AGAP1: variants seen among roughly 807,000 people sequenced by gnomAD.
The protein encoded by AGAP1 is ArfGAP with GTPase domain, ankyrin repeat and PH domain 1, also known as arf-GAP with GTPase, ANK repeat and PH domain-containing protein 1.
AGAP1 carries 29 observed loss-of-function variants against 105.3 expected under a neutral mutation model. The observed-to-expected ratio is 0.28, with a 90% CI of 0.21 to 0.38. AGAP1 has a LOEUF of 0.38. Ranked by LOEUF, AGAP1 falls within the 10% of genes least tolerant of loss-of-function variation. AGAP1 has a pLI of 1.00. For missense variants in AGAP1, 998 were observed against 1,165.1 expected (o/e 0.86, Z 2.09); for synonymous variants, 509 against 485.9 (o/e 1.05, Z -0.63).
chr2:235,754,144 A>G lies in AGAP1; in HGVS notation c.673+3656A>G, dbSNP rs1196856200. Among the ~76,000 whole-genome samples the G allele has an allele frequency of 6.6e-6, 1 of 152,158 alleles. No individual in the cohort carries two copies. Among genetic ancestry groups the G allele is most frequent in the African/African-American group, 2.4e-5 (1 of 41,432 alleles). ...CTGAGAGCCTCGACTTAACCACAGCACCGGGACATTTTGTCATTAAAATGG... is the reference window on the plus strand; with the variant it reads ...CTGAGAGCCTCGACTTAACCACAGCGCCGGGACATTTTGTCATTAAAATGG... On this transcript the variant is annotated intron_variant, in intron 6 of 17. Transcript: ENST00000304032. The surrounding 1 kb of genome is among the most constrained non-coding windows in gnomAD (Gnocchi z 4.6).
intron 1 of AGAP1, among the ~76,000 whole-genome samples, chr2:235,616,380 C>T (rs1024781818): frequency 6.6e-6 from 1 of 151,930 alleles, no homozygotes; most frequent in Non-Finnish European, 1.5e-5. Context: ...AAAAGGTGAC[C>T]TCTTTCTTTT....
At position 235,724,882 on chromosome 2, in the gene AGAP1, T is replaced by C. The variant is rs1307784090; in HGVS notation, c.310+7238T>C. 6.6e-6 allele frequency among the ~76,000 whole-genome samples: 1 copy of C among 152,182 alleles called. No homozygotes were observed. Among genetic ancestry groups the C allele is most frequent in the Non-Finnish European group, 1.5e-5 (1 of 68,036 alleles). ...CCAGACCCACCTCATTTCTTACATCTCTCCAAGAGAAGCCTTTCGCTTGTC... is the reference window on the plus strand; with the variant it reads ...CCAGACCCACCTCATTTCTTACATCCCTCCAAGAGAAGCCTTTCGCTTGTC... On this transcript the variant is annotated intron_variant, in intron 3 of 17. Transcript: ENST00000304032. The surrounding 1 kb of genome is among the most constrained non-coding windows in gnomAD (Gnocchi z 4.9).
At chr2:235,661,729 C>T (rs939929606) in intron 1 of AGAP1, among the ~76,000 whole-genome samples, 5 of 152,148 alleles carry the variant, frequency 3.3e-5, no homozygotes, top group African/African-American at 1.2e-4. Flanking sequence ...GAACACTGGT[C>T]CAGTGCACTG....
In AGAP1 at chr2:235,889,461, G is replaced by A. The variant is rs944603251; in HGVS notation, c.1155+6012G>A. ...CATGACAAGGGACTTCAGCTGGGTG[G>A]TGGCCCTGGGATGTCACTTTCCTTC... On this transcript the variant is annotated intron_variant, in intron 10 of 17. Coordinates refer to ENST00000304032, the MANE Select transcript of AGAP1 (RefSeq NM_001037131.3). This position sits in a 1 kb window ranked among gnomAD's most constrained non-coding sequence, Gnocchi z 4.6. Among the ~76,000 whole-genome samples, 2 of 152,088 alleles carry A rather than the reference G, an allele frequency of 1.3e-5. No individual in the cohort carries two copies. Among genetic ancestry groups the A allele is most frequent in the African/African-American group, 2.4e-5 (1 of 41,402 alleles).
chr2:236,013,555 G>C (rs537224335), intron 13 of AGAP1, among the ~76,000 whole-genome samples: 22 of 150,772 alleles, frequency 1.5e-4, no homozygotes, highest in Admixed American at 1.2e-3. Flanking sequence ...TGCTTTGCGG[G>C]CTTAAGACCT....
Position 235,679,294 on chromosome 2 carries a change from G to A in AGAP1, c.164-29885G>A, listed in dbSNP as rs78081964. On this transcript the variant is annotated intron_variant, in intron 1 of 17. Transcript: ENST00000304032. ...GCTTTACTTTATTTAGCTGTAATACGGGTTTTGCAAAAGACCTAAAAATAG... is the reference window on the plus strand; with the variant it reads ...GCTTTACTTTATTTAGCTGTAATACAGGTTTTGCAAAAGACCTAAAAATAG... 3.0e-3 allele frequency among the ~76,000 whole-genome samples: 456 copies of A among 152,266 alleles called. 5 individuals carry two copies. The East Asian group carries it at 0.036, about 12-fold the overall frequency.
chr2:236,047,378 C>T (rs2057753103), intron 15 of AGAP1, among the ~76,000 whole-genome samples: 1 of 151,974 alleles, frequency 6.6e-6, no homozygotes, highest in Admixed American at 6.6e-5. Context: ...AGCTGTGTGC[C>T]ATGCCTCCAC....
chr2:236,014,905 C>G lies in AGAP1; in HGVS notation c.1646-21656C>G, dbSNP rs1268325515. 2 of 388,828 alleles carry G rather than the reference C, an allele frequency of 5.1e-6. No homozygotes were observed. Among genetic ancestry groups the G allele is most frequent in the Admixed American group, 3.3e-5 (1 of 30,238 alleles). The allele number at this position is 388,828 out of a possible 1,614,324, so 24.1% of individuals were successfully genotyped here. A position where few individuals can be genotyped will look rare whatever the true frequency, so the allele number is the denominator to read the frequency against. On this transcript the variant is annotated intron_variant, in intron 13 of 17. Coordinates refer to ENST00000304032, the MANE Select transcript of AGAP1 (RefSeq NM_001037131.3). The surrounding 1 kb of genome is among the most constrained non-coding windows in gnomAD (Gnocchi z 6.3). ...GTAACGCCTCCGCACCTCCACCCGC[C>G]CACACCTCCACCTGCCTCTTCCCCT...
Position 236,045,037 on chromosome 2 carries a change from C to G in AGAP1, c.1892-4022C>G, listed in dbSNP as rs2057674848. The stretch of plus-strand genomic sequence containing the variant: ...TCCAGCAATCCTCCCACCTCAGACT[C>G]CTGAGCAGCTGTGACTACATGTGCG... On this transcript the variant is annotated intron_variant, in intron 15 of 17. Transcript: ENST00000304032. This position sits in a 1 kb window ranked among gnomAD's most constrained non-coding sequence, Gnocchi z 6.9. Among the ~76,000 whole-genome samples the G allele has an allele frequency of 6.6e-6, 1 of 152,166 alleles. No homozygotes were observed. Among genetic ancestry groups the G allele is most frequent in the African/African-American group, 2.4e-5 (1 of 41,452 alleles).
chr2:235,597,012 G>GT (rs1490177322), intron 1 of AGAP1, among the ~76,000 whole-genome samples: 1 of 152,218 alleles, frequency 6.6e-6, no homozygotes, highest in Non-Finnish European at 1.5e-5. Flanking sequence ...TGCCAGAACT[G>GT]TGAGAGGTAA....
At chr2:235,618,577 T>A (rs1193867413) in intron 1 of AGAP1, among the ~76,000 whole-genome samples, 1 of 152,238 alleles carries the variant, frequency 6.6e-6, no homozygotes, top group Non-Finnish European at 1.5e-5. Context: ...GAAAAGGCTT[T>A]AGTTATTTTA....
intron 2 of AGAP1, among the ~76,000 whole-genome samples, chr2:235,711,126 C>G (rs184824252): frequency 6.6e-6 from 1 of 152,246 alleles, no homozygotes; most frequent in African/African-American, 2.4e-5. Context: ...CCTCCTGCGT[C>G]TGCACTGCCC....
At chr2:235,715,083 C>G (rs1951033640) in intron 2 of AGAP1, among the ~76,000 whole-genome samples, 1 of 152,230 alleles carries the variant, frequency 6.6e-6, no homozygotes, top group Non-Finnish European at 1.5e-5. Context: ...AGGCGTGAGC[C>G]ACCGTGCCCA....
rs10180519 is a variant in AGAP1, at chr2:235,882,776, G to T, written c.1051-569G>T. Among the ~76,000 whole-genome samples the T allele has an allele frequency of 2.4e-3, 368 of 152,022 alleles. 4 individuals carry two copies. The highest frequency in any genetic ancestry group is 8.4e-3 in the African/African-American group (350 of 41,456). On this transcript the variant is annotated intron_variant, in intron 9 of 17. Transcript: ENST00000304032. The surrounding 1 kb of genome is among the most constrained non-coding windows in gnomAD (Gnocchi z 4.6). ...AGGCGTGAGCCACCGTGCCCGGCCT[G>T]GTTAATGCAGTTTTTTTAGTTTGTT...
chr2:235,826,092 G>T (rs761778522), intron 9 of AGAP1, among the ~76,000 whole-genome samples: 13 of 152,224 alleles, frequency 8.5e-5, no homozygotes, highest in Non-Finnish European at 1.9e-4. Context: ...TGCTAACGTG[G>T]CGCCATGCCC....
In AGAP1 at chr2:235,737,993, C is replaced by T. The variant is rs570941323; in HGVS notation, c.311-2970C>T. Reference sequence around the variant, plus strand: ...AGAGGGCAGGGCTGGAGCTGGGGCCCTGTAGGGCACTCAGCGTCCGGAGGG... The same window carrying T: ...AGAGGGCAGGGCTGGAGCTGGGGCCTTGTAGGGCACTCAGCGTCCGGAGGG... On this transcript the variant is annotated intron_variant, in intron 3 of 17. Transcript: ENST00000304032. This position sits in a 1 kb window ranked among gnomAD's most constrained non-coding sequence, Gnocchi z 4.5. Among the ~76,000 whole-genome samples the T allele has an allele frequency of 6.6e-6, 1 of 152,076 alleles. No individual in the cohort carries two copies. Among genetic ancestry groups the T allele is most frequent in the African/African-American group, 2.4e-5 (1 of 41,494 alleles).
rs575803524 is a variant in AGAP1 at position 235,879,007 on chromosome 2, G to A, written c.1051-4338G>A. On this transcript the variant is annotated intron_variant, in intron 9 of 17. Transcript: ENST00000304032. This position sits in a 1 kb window ranked among gnomAD's most constrained non-coding sequence, Gnocchi z 5.0. The stretch of plus-strand genomic sequence containing the variant: ...TGGCTGGGACACCCAGAGGTTCTGC[G>A]TGGGGAGCAGGTCACCGCCCATCAG... Among the ~76,000 whole-genome samples the A allele has an allele frequency of 2.6e-5, 4 of 152,194 alleles. No homozygotes were observed. The highest frequency in any genetic ancestry group is 6.5e-5 in the Admixed American group (1 of 15,276).
At chr2:235,802,758 TTG>T (rs1272247678) in intron 8 of AGAP1, among the ~76,000 whole-genome samples, 1 of 150,736 alleles carries the variant, frequency 6.6e-6, no homozygotes, top group Non-Finnish European at 1.5e-5. Flanking sequence ...GTGGTGATGG[TTG>T]TGGTTGTGAT....
In AGAP1 at chr2:235,608,566, C is replaced by T. The variant is rs549133860; in HGVS notation, c.164-100613C>T. Among the ~76,000 whole-genome samples the T allele has an allele frequency of 5.3e-5, 8 of 152,220 alleles. No homozygotes were observed. The East Asian group carries it at 5.8e-4, about 11-fold the overall frequency. The stretch of plus-strand genomic sequence containing the variant: ...AGTGAGACCAACCCTGCCCTCTGGA[C>T]GGATGGAAGGACACTGGGGAGCCGA... On this transcript the variant is annotated intron_variant, in intron 1 of 17. Transcript: ENST00000304032. The surrounding 1 kb of genome is among the most constrained non-coding windows in gnomAD (Gnocchi z 5.4).
Sources: gnomAD v4.1 joint callset for allele counts (sites outside exome capture counted in the v4.1 genomes callset) on GRCh38, gnomAD v4.1.1 for gene constraint, Gnocchi (gnomAD v3.1) non-coding constraint, MANE v1.5 for transcripts, NCBI Gene and HGNC (gene_info 2026-07-23, HGNC 2026-07-21) for gene names.